PLEKHG2: variants seen among roughly 807,000 people sequenced by gnomAD.
The protein encoded by PLEKHG2 is pleckstrin homology and RhoGEF domain containing G2.
A neutral mutation model predicts 104.4 loss-of-function variants in PLEKHG2; 71 were observed. That is an observed-to-expected ratio of 0.68 (90% CI 0.56 to 0.83). The LOEUF (loss-of-function observed/expected upper bound fraction) is 0.83. Among genes scored for constraint, PLEKHG2 ranks in the 40% least tolerant of loss-of-function variants. The probability of loss-of-function intolerance (pLI) is 0.00; values close to 1 mark genes in which losing one functional copy is unlikely to be tolerated. For synonymous variants in PLEKHG2, 728 were observed against 737.0 expected (o/e 0.99, Z 0.20); for missense variants, 1,730 against 1,809.4 (o/e 0.96, Z 0.80).
chr19:39,414,168 TGTGGCACC>T lies in PLEKHG2; in HGVS notation c.86_93del (p.Gly29ValfsTer2). 2 of 1,551,474 alleles carry T rather than the reference TGTGGCACC, an allele frequency of 1.3e-6. No individual in the cohort carries two copies. The highest frequency in any genetic ancestry group is 1.7e-6 in the Non-Finnish European group (2 of 1,146,838). ...TGGCCGAAGAGGTGAAGTGTGTGAC[TGTGGCACC>T]GTGTGTGAGACTCGGACAGGTGAGC... On this transcript the variant is annotated frameshift_variant, in exon 2 of 19. Coordinates refer to ENST00000425673, the MANE Select transcript of PLEKHG2 (RefSeq NM_022835.3). LOFTEE classifies it high-confidence loss of function.
chr19:39,414,202 C>T lies in PLEKHG2; in HGVS notation c.109+7C>T. On this transcript the variant is annotated splice_region_variant and intron_variant, in intron 2 of 18. Coordinates refer to ENST00000425673, the MANE Select transcript of PLEKHG2 (RefSeq NM_022835.3). ...GTGTGTGAGACTCGGACAGGTGAGCCTAGAGGCAGGGGCGGCGGAGCCTGT... is the reference window on the plus strand; with the variant it reads ...GTGTGTGAGACTCGGACAGGTGAGCTTAGAGGCAGGGGCGGCGGAGCCTGT... 1.3e-6 allele frequency: 2 copies of T among 1,551,032 alleles called. No individual in the cohort carries two copies. The highest frequency in any genetic ancestry group is 1.7e-6 in the Non-Finnish European group (2 of 1,146,572).
In PLEKHG2 at chr19:39,422,776, G is replaced by C. The variant is rs149499627; in HGVS notation, c.1722G>C (p.Val574=). 13 of 1,525,994 alleles carry C rather than the reference G, an allele frequency of 8.5e-6. No individual in the cohort carries two copies. The highest frequency in any genetic ancestry group is 1.1e-5 in the Non-Finnish European group (12 of 1,139,612). 94.5% of individuals were successfully genotyped at this position (1,525,994 alleles called of 1,614,324 possible). A position where few individuals can be genotyped will look rare whatever the true frequency, so the allele number is the denominator to read the frequency against. ...DIPKFPGDSQ[V]PGDSETLTFQ... is the part of the protein sequence containing the mutation. ...CCAAGTTCCCCGGAGACTCCCAGGT[G>C]CCTGGCGACAGCGAAACCCTCACAT... is the stretch of plus-strand genomic sequence containing the variant. Residue 574 remains valine, a synonymous_variant, in exon 18 of 19, where the codon GTG becomes GTC. Coordinates refer to ENST00000425673, the MANE Select transcript of PLEKHG2 (RefSeq NM_022835.3).
At position 39,414,700 on chromosome 19, in the gene PLEKHG2, G is replaced by A. The variant is rs1037477847; in HGVS notation, c.110-292G>A. 1.3e-5 allele frequency among the ~76,000 whole-genome samples: 2 copies of A among 152,118 alleles called. 1 individual carries two copies. The highest frequency in any genetic ancestry group is 4.1e-4 in the South Asian group (2 of 4,834). On this transcript the variant is annotated intron_variant, in intron 2 of 18. Coordinates refer to ENST00000425673, the MANE Select transcript of PLEKHG2 (RefSeq NM_022835.3). ...GAGGAGTTTGGACTTTATCCCCAGG[G>A]GCATGAAGGGGTTACACTCACGGGA...
In PLEKHG2 at chr19:39,424,653, G is replaced by A. The variant is rs148842247; in HGVS notation, c.3520G>A (p.Gly1174Ser). The A allele has an allele frequency of 2.0e-4, 315 of 1,613,980 alleles. 1 individual carries two copies. Among genetic ancestry groups the A allele is most frequent in the Non-Finnish European group, 2.5e-4 (296 of 1,180,024 alleles). Residue 1174 changes from glycine (G) to serine (S), a missense_variant, in exon 19 of 19, where the codon GGT becomes AGT. Transcript: ENST00000425673. ...GCAGGGAAGCCTCCCAGACATCCAG[G>A]GTCCAGCGGCTGCACCTCCACTTCC... is the stretch of plus-strand genomic sequence containing the variant. ...PKQGSLPDIQ[G>S]PAAAPPLPEP...
Position 39,425,085 on chromosome 19 carries a change from T to C in PLEKHG2, c.3952T>C (p.Ser1318Pro). 6.3e-7 allele frequency: 1 copy of C among 1,590,014 alleles called. No individual in the cohort carries two copies. Among genetic ancestry groups the C allele is most frequent in the Non-Finnish European group, 8.6e-7 (1 of 1,168,382 alleles). ...CTCTGCTCCCACGTCACGGGCATCT[T>C]CGCCGCCCCCCCAGCCCCAGCCACC... Reference protein sequence around the residue: ...WSSAPTSRASSPPPQPQPPPP... With the variant: ...WSSAPTSRASPPPPQPQPPPP... The change falls in exon 19 of 19, where the codon TCG becomes CCG. Residue 1318 changes from serine to proline, a missense_variant. Coordinates refer to ENST00000425673, the MANE Select transcript of PLEKHG2 (RefSeq NM_022835.3).
Position 39,418,716 on chromosome 19 carries a change from C to A in PLEKHG2, c.1084-18C>A. The A allele has an allele frequency of 6.2e-7, 1 of 1,602,568 alleles. No homozygotes were observed. The highest frequency in any genetic ancestry group is 1.1e-5 in the South Asian group (1 of 90,496). On this transcript the variant is annotated intron_variant, in intron 9 of 18. Transcript: ENST00000425673. ...AGCCCAAGGACTCTGAGCTTGCTAC[C>A]CCTCTCTTTCCTTCCAGTGCTGCAA...
rs1354070512 is a variant in PLEKHG2, at chr19:39,415,051, A to C, written c.169A>C (p.Thr57Pro). 1 of 1,596,778 alleles carries C rather than the reference A, an allele frequency of 6.3e-7. No individual in the cohort carries two copies. The highest frequency in any genetic ancestry group is 1.7e-5 in the Admixed American group (1 of 58,126). ...TTCTGGGAGCTCCACATCCCTGAGC[A>C]CAGTGGGCTCTGAGGGGGATCCAGC... is the stretch of plus-strand genomic sequence containing the variant. ...RGSGSSTSLSTVGSEGDPAPG... is the reference protein window; with the variant it reads ...RGSGSSTSLSPVGSEGDPAPG... The change falls in exon 3 of 19, where the codon ACA (threonine) becomes CCA (proline). Residue 57 changes from threonine (T) to proline (P), a missense_variant. Coordinates refer to ENST00000425673, the MANE Select transcript of PLEKHG2 (RefSeq NM_022835.3). The surrounding 1 kb of genome is among the most constrained non-coding windows in gnomAD (Gnocchi z 4.6).
intron 16 of PLEKHG2, among the ~76,000 whole-genome samples, 193 bp downstream of exon 16, chr19:39,421,492 T>C (rs981438634): frequency 1.3e-5 from 2 of 151,978 alleles, no homozygotes; most frequent in African/African-American, 4.8e-5. Flanking sequence ...TTGAGACCAG[T>C]CTGGGCAACA....
rs1268071747 is a variant in PLEKHG2, at chr19:39,416,836, T to G, written c.594-14T>G. 1 of 1,593,306 alleles carries G rather than the reference T, an allele frequency of 6.3e-7. No homozygotes were observed. The highest frequency in any genetic ancestry group is 1.7e-5 in the Admixed American group (1 of 57,854). ...GGAACTGACAATCCCCACTGACCTG[T>G]GCTGTGCCCCCAGCTCCCTGGCCCT... On this transcript the variant is annotated splice_polypyrimidine_tract_variant and intron_variant, in intron 6 of 18. Transcript: ENST00000425673. This position sits in a 1 kb window ranked among gnomAD's most constrained non-coding sequence, Gnocchi z 4.5.
Position 39,415,255 on chromosome 19 carries a change from G to A in PLEKHG2, c.373G>A (p.Val125Met), listed in dbSNP as rs761669834. ...CTATGTCAGGGACCTCCGCAGCATC[G>A]TGGAGGTAAGGCGGGCAGACACCAG... Reference protein sequence around the residue: ...RAYVRDLRSIVEDYLGPLLDG... With the variant: ...RAYVRDLRSIMEDYLGPLLDG... Residue 125 changes from valine (V) to methionine (M), a missense_variant, in exon 3 of 19, where the codon GTG (valine) becomes ATG (methionine). By Grantham distance (21) the Val-to-Met change is conservative (BLOSUM62 1). Transcript: ENST00000425673. The surrounding 1 kb of genome is among the most constrained non-coding windows in gnomAD (Gnocchi z 4.6). 3 of 1,593,862 alleles carry A rather than the reference G, an allele frequency of 1.9e-6. No individual in the cohort carries two copies. Among genetic ancestry groups the A allele is most frequent in the African/African-American group, 2.7e-5 (2 of 74,466 alleles).
intron 11 of PLEKHG2, 25 bp downstream of exon 11, chr19:39,419,028 G>GC (rs750565438): frequency 3.8e-6 from 6 of 1,590,950 alleles, no homozygotes; most frequent in African/African-American, 2.7e-5. Flanking sequence ...GCAGCCGGGG[G>GC]CCCTCTGAGT....
chr19:39,426,619 T>C lies in PLEKHG2; in HGVS notation c.*1325T>C, dbSNP rs2078785009. 1 of 152,270 alleles carries C rather than the reference T, an allele frequency of 6.6e-6. No individual in the cohort carries two copies. The highest frequency in any genetic ancestry group is 2.1e-4 in the South Asian group (1 of 4,836). 9.4% of individuals were successfully genotyped at this position (152,270 alleles called of 1,614,324 possible). ...GAATTCAAGTCCCATCTTTACTTAT[T>C]TGGTGTGGGTCCTCCCTCTGAGCCG... On this transcript the variant is annotated 3_prime_UTR_variant, in exon 19 of 19. Coordinates refer to ENST00000425673, the MANE Select transcript of PLEKHG2 (RefSeq NM_022835.3).
rs139191737 is a variant in PLEKHG2, at chr19:39,423,967, G to A, written c.2834G>A (p.Arg945Gln). The change falls in exon 19 of 19, where the codon CGG becomes CAG. Residue 945 changes from arginine to glutamine, a missense_variant. Physicochemically the swap from Arg to Gln is conservative, Grantham distance 43. Transcript: ENST00000425673. ...ATLLPEQGGS[R>Q]HVQAPAATPL... ...CTTTTGCCTGAGCAAGGAGGTTCCC[G>A]GCATGTCCAGGCTCCAGCCGCCACA... 2.2e-5 allele frequency: 36 copies of A among 1,614,090 alleles called. No homozygotes were observed. The East Asian group carries it at 3.6e-4, about 16-fold the overall frequency.
Position 39,416,331 on chromosome 19 carries a change from T to G in PLEKHG2, c.480-17T>G, listed in dbSNP as rs372705527. ...CGTGAAGGCAGGCGGTTCCTCACCC[T>G]CCCCTCTCCCCTGTAGCGAGCTCCT... is the stretch of plus-strand genomic sequence containing the variant. On this transcript the variant is annotated splice_polypyrimidine_tract_variant and intron_variant, in intron 4 of 18. Coordinates refer to ENST00000425673, the MANE Select transcript of PLEKHG2 (RefSeq NM_022835.3). This position sits in a 1 kb window ranked among gnomAD's most constrained non-coding sequence, Gnocchi z 4.5. 4.1e-5 allele frequency: 66 copies of G among 1,611,640 alleles called. No individual in the cohort carries two copies. In the African/African-American group the frequency reaches 8.2e-4, roughly 20 times the overall value.
In PLEKHG2 at chr19:39,422,944, C is replaced by G. The variant is rs753885770; in HGVS notation, c.1890C>G (p.Pro630=). ...SSIAAEMPSI[P]CLTKIPDVPN... The stretch of plus-strand genomic sequence containing the variant: ...TTGCAGCTGAAATGCCCAGCATTCC[C>G]TGCCTTACCAAAATTCCTGACGTGC... The change falls in exon 18 of 19, where the codon CCC becomes CCG. Residue 630 remains proline (P), a synonymous_variant. Coordinates refer to ENST00000425673, the MANE Select transcript of PLEKHG2 (RefSeq NM_022835.3). The G allele has an allele frequency of 3.7e-6, 6 of 1,613,948 alleles. No homozygotes were observed. The highest frequency in any genetic ancestry group is 1.7e-5 in the Admixed American group (1 of 60,012).
rs760965601 is a variant in PLEKHG2 at position 39,423,018 on chromosome 19, G to A, written c.1964G>A (p.Arg655His). ...CGCTGTGAAATTCCCGAAGGTTCTCGCCTTCCTAGTCTCTCTGACATTTCC... is the reference window on the plus strand; with the variant it reads ...CGCTGTGAAATTCCCGAAGGTTCTCACCTTCCTAGTCTCTCTGACATTTCC... ...PSRCEIPEGSRLPSLSDISDV... is the reference protein window; with the variant it reads ...PSRCEIPEGSHLPSLSDISDV... Residue 655 changes from arginine (R) to histidine (H), a missense_variant, in exon 18 of 19, where the codon CGC (arginine) becomes CAC (histidine). By Grantham distance (29) the Arg-to-His change is conservative (BLOSUM62 0). Coordinates refer to ENST00000425673, the MANE Select transcript of PLEKHG2 (RefSeq NM_022835.3). 56 of 1,613,986 alleles carry A rather than the reference G, an allele frequency of 3.5e-5. No individual in the cohort carries two copies. The highest frequency in any genetic ancestry group is 1.5e-4 in the South Asian group (14 of 91,082).
intron 18 of PLEKHG2, 31 bp downstream of exon 18, chr19:39,423,684 G>A: frequency 6.4e-7 from 1 of 1,562,126 alleles, no homozygotes; most frequent in East Asian, 2.2e-5. Flanking sequence ...TGGCAGAGGT[G>A]GTCCCCGCTG....
chr19:39,419,533 GGA>G (rs1568394367), intron 11 of PLEKHG2, among the ~76,000 whole-genome samples: 1 of 152,028 alleles, frequency 6.6e-6, no homozygotes, highest in Non-Finnish European at 1.5e-5. Flanking sequence ...CCTGAGGTCA[GGA>G]GTTCAAGAGC....
At position 39,423,713 on chromosome 19, in the gene PLEKHG2, G is replaced by A. The variant is rs73930732; in HGVS notation, c.2600-20G>A. ...CCCGCTGGAGTAGTGGTCCTGACTC[G>A]ATCCTCTTTTCGCATTCAGGGCTCC... On this transcript the variant is annotated intron_variant, in intron 18 of 18. Transcript: ENST00000425673. The A allele has an allele frequency of 2.7e-3, 4,375 of 1,597,864 alleles. 89 individuals are homozygous for A. The African/African-American group carries it at 0.048, about 17-fold the overall frequency.
Sources: allele counts gnomAD v4.1 joint callset (sites outside exome capture counted in the v4.1 genomes callset), GRCh38; gene constraint gnomAD v4.1.1; non-coding constraint Gnocchi (gnomAD v3.1); transcripts MANE v1.5; gene names NCBI Gene and HGNC (gene_info 2026-07-23, HGNC 2026-07-21).